ZNF563: variants seen among roughly 807,000 people sequenced by gnomAD.
ZNF563 encodes zinc finger protein 563.
In ZNF563, 39 loss-of-function variants were observed where a neutral mutation model predicts 48.5. The ratio of observed to expected loss-of-function variants is 0.80; its 90% CI spans 0.62 to 1.05. The LOEUF (loss-of-function observed/expected upper bound fraction) is 1.05. ZNF563 is among the 50% of genes least tolerant of loss of function. The probability of loss-of-function intolerance (pLI) is 0.00; values close to 1 mark genes in which losing one functional copy is unlikely to be tolerated. For missense variants in ZNF563, 538 were observed against 597.0 expected, an observed-to-expected ratio of 0.90 and a Z score of 1.03; for synonymous variants, 168 against 187.9, an observed-to-expected ratio of 0.89 and a Z score of 0.87.
At chr19:12,328,786 T>TAATAAATA (rs565783813) in intron 1 of ZNF563, among the ~76,000 whole-genome samples, 1 of 151,042 alleles carries the variant, frequency 6.6e-6, no homozygotes, top group Non-Finnish European at 1.5e-5. Context: ...AATAAATAAA[T>TAATAAATA]AATAAATAAA....
At chr19:12,333,391 C>A in intron 1 of ZNF563, 89 bp downstream of exon 1, 1 of 1,541,112 alleles carries the variant, frequency 6.5e-7, no homozygotes, top group Non-Finnish European at 8.8e-7. Flanking sequence ...GAGCTGACGG[C>A]GGGGGAGGCC....
chr19:12,322,520 C>A, intron 2 of ZNF563, 65 bp downstream of exon 2: 2 of 1,491,100 alleles, frequency 1.3e-6, no homozygotes, highest in Non-Finnish European at 9.0e-7. Flanking sequence ...AATCATTGAA[C>A]AGCACTGATG....
chr19:12,332,853 G>A (rs887129752), intron 1 of ZNF563, among the ~76,000 whole-genome samples: 1 of 152,054 alleles, frequency 6.6e-6, no homozygotes, highest in African/African-American at 2.4e-5. Flanking sequence ...TGCTTCTTTC[G>A]CTAATAACTT....
rs1255934477 is a variant in ZNF563, at chr19:12,318,669, C to A, written c.1356G>T (p.Lys452Asn). 6.2e-7 allele frequency: 1 copy of A among 1,614,028 alleles called. No homozygotes were observed. The highest frequency in any genetic ancestry group is 2.2e-5 in the East Asian group (1 of 44,886). The change falls in exon 4 of 4, where the codon AAG becomes AAT. Residue 452 changes from lysine (K) to asparagine (N), a missense_variant. Lys to Asn is a moderately conservative substitution (Grantham distance 94). Coordinates refer to ENST00000293725, the MANE Select transcript of ZNF563 (RefSeq NM_145276.3). ...GATAAACAAAGGCTTTCCCACATACCTTGCATTTATTCGGCCCATCTCCCG... is the reference window on the plus strand; with the variant it reads ...GATAAACAAAGGCTTTCCCACATACATTGCATTTATTCGGCCCATCTCCCG... ...MHTGDGPNKC[K>N]VCGKAFVYPS...
At chr19:12,344,332 C>T in the ZNF563 span, among the ~76,000 whole-genome samples, 1 of 146,838 alleles carries the variant, frequency 6.8e-6, no homozygotes, top group Non-Finnish European at 1.5e-5. Context: ...CACTCCAGTC[C>T]AGCCTGGGCA....
chr19:12,333,611 A>C lies in ZNF563; in HGVS notation c.-129T>G. On this transcript the variant is annotated 5_prime_UTR_variant, in exon 1 of 4. Transcript: ENST00000293725. Reference sequence around the variant, plus strand: ...GCGACTGAGGCTACACAGACGTTCCAGGGCGTCTCTCAGCGAGCGACTGAG... The same window carrying C: ...GCGACTGAGGCTACACAGACGTTCCCGGGCGTCTCTCAGCGAGCGACTGAG... 1 of 1,375,408 alleles carries C rather than the reference A, an allele frequency of 7.3e-7. No homozygotes were observed. The highest frequency in any genetic ancestry group is 9.9e-7 in the Non-Finnish European group (1 of 1,007,870). 85.2% of individuals were successfully genotyped at this position (1,375,408 alleles called of 1,614,324 possible). A position where few individuals can be genotyped will look rare whatever the true frequency, so the allele number is the denominator to read the frequency against.
chr19:12,322,360 C>T (rs547394722), intron 2 of ZNF563, among the ~76,000 whole-genome samples: 1 of 152,174 alleles, frequency 6.6e-6, no homozygotes, highest in African/African-American at 2.4e-5. Flanking sequence ...AGCCAGTCAA[C>T]TGTTTATGTT....
At position 12,319,440 on chromosome 19, in the gene ZNF563, T is replaced by G. The variant is rs1466155958; in HGVS notation, c.585A>C (p.Arg195Ser). ...RRHMVVQGGN[R>S]PYKCKLCGKA... ...TCCCACACAACTTACATTTATAAGGTCTATTTCCACCTTGCACTACCATGT... is the reference window on the plus strand; with the variant it reads ...TCCCACACAACTTACATTTATAAGGGCTATTTCCACCTTGCACTACCATGT... Residue 195 changes from arginine (R) to serine (S), a missense_variant, in exon 4 of 4, where the codon AGA (arginine) becomes AGC (serine). Transcript: ENST00000293725. 1 of 1,614,108 alleles carries G rather than the reference T, an allele frequency of 6.2e-7. No homozygotes were observed. The highest frequency in any genetic ancestry group is 1.7e-5 in the Admixed American group (1 of 59,990).
intron 1 of ZNF563, among the ~76,000 whole-genome samples, chr19:12,327,314 G>A (rs1968818190): frequency 6.6e-6 from 1 of 151,808 alleles, no homozygotes; most frequent in Admixed American, 6.6e-5. Context: ...ATAAAAATTA[G>A]CTGGGTGTGG....
At chr19:12,330,665 T>G (rs952386019) in intron 1 of ZNF563, among the ~76,000 whole-genome samples, 3 of 152,156 alleles carry the variant, frequency 2.0e-5, no homozygotes, top group Non-Finnish European at 4.4e-5. Context: ...TGACAGCTAC[T>G]TCAACCCAAA....
At chr19:12,322,474 G>A (rs1400388205) in intron 2 of ZNF563, 111 bp downstream of exon 2, 4 of 1,198,960 alleles carry the variant, frequency 3.3e-6, no homozygotes, top group Non-Finnish European at 4.5e-6. Flanking sequence ...ATTCTGTGTT[G>A]TTCAAGAGTC....
intron 1 of ZNF563, among the ~76,000 whole-genome samples, chr19:12,328,563 G>A (rs375587202): frequency 2.0e-5 from 3 of 151,842 alleles, no homozygotes; most frequent in Non-Finnish European, 2.9e-5. Flanking sequence ...ACCTGAGGTC[G>A]GGAGTTCAAG....
At chr19:12,322,529 T>C (rs1438692361) in intron 2 of ZNF563, 56 bp downstream of exon 2, 2 of 1,532,460 alleles carry the variant, frequency 1.3e-6, no homozygotes, top group Admixed American at 3.8e-5. Flanking sequence ...ACAGCACTGA[T>C]GACCATGAAA....
At chr19:12,330,738 CA>C (rs1343489497) in intron 1 of ZNF563, among the ~76,000 whole-genome samples, 1 of 152,170 alleles carries the variant, frequency 6.6e-6, no homozygotes, top group African/African-American at 2.4e-5. Context: ...CCTCCATATA[CA>C]ATAATCAACT....
chr19:12,330,086 A>G lies in ZNF563; in HGVS notation c.3+3394T>C, dbSNP rs533155357. Among the ~76,000 whole-genome samples, 4 of 152,182 alleles carry G rather than the reference A, an allele frequency of 2.6e-5. No homozygotes were observed. The South Asian group carries it at 6.2e-4, about 24-fold the overall frequency. The stretch of plus-strand genomic sequence containing the variant: ...CAGGCGCCTGTCACTAAGCCCAGCC[A>G]ATTTTTGTATTCTTAGTAGAGACGG... On this transcript the variant is annotated intron_variant, in intron 1 of 3. Coordinates refer to ENST00000293725, the MANE Select transcript of ZNF563 (RefSeq NM_145276.3).
At chr19:12,328,851 A>T (rs960841813) in intron 1 of ZNF563, among the ~76,000 whole-genome samples, 7 of 151,904 alleles carry the variant, frequency 4.6e-5, no homozygotes, top group Non-Finnish European at 1.5e-5. Flanking sequence ...AATAACTTAA[A>T]TATAGTTGAA....
rs1191675327 is a variant in ZNF563 at position 12,319,434 on chromosome 19, A to T, written c.591T>A (p.Tyr197Ter). The T allele has an allele frequency of 6.2e-7, 1 of 1,614,150 alleles. No individual in the cohort carries two copies. The highest frequency in any genetic ancestry group is 8.5e-7 in the Non-Finnish European group (1 of 1,180,058). The change falls in exon 4 of 4, where the codon TAT becomes TAA. Residue 197 changes from tyrosine to a stop codon, truncating the protein, a stop_gained. Transcript: ENST00000293725. LOFTEE classifies it high-confidence loss of function. ...AAGCTTTCCCACACAACTTACATTT[A>T]TAAGGTCTATTTCCACCTTGCACTA... ...HMVVQGGNRP[Y>*]KCKLCGKAFF...
At chr19:12,340,265 C>T in the ZNF563 span, among the ~76,000 whole-genome samples, 1 of 151,960 alleles carries the variant, frequency 6.6e-6, no homozygotes, top group Admixed American at 6.6e-5. Flanking sequence ...ACCCATGAGG[C>T]GGAGGTTGCA....
chr19:12,337,166 T>G (rs1465901774), upstream of ZNF563, among the ~76,000 whole-genome samples: 1 of 152,138 alleles, frequency 6.6e-6, no homozygotes, highest in Admixed American at 6.6e-5. Flanking sequence ...GATGTGTGAA[T>G]AATATTAATG....
Sources: gnomAD v4.1 joint callset for allele counts (sites outside exome capture counted in the v4.1 genomes callset) on GRCh38, gnomAD v4.1.1 for gene constraint, MANE v1.5 for transcripts, NCBI Gene and HGNC (gene_info 2026-07-23, HGNC 2026-07-21) for gene names.